DMD: variants seen among roughly 807,000 people sequenced by gnomAD.
The protein encoded by DMD is mutant dystrophin.
DMD carries 63 observed loss-of-function variants against 330.1 expected under a neutral mutation model. The observed-to-expected ratio is 0.19, with a 90% CI of 0.16 to 0.24. DMD has a LOEUF of 0.24. DMD is among the 10% of genes least tolerant of loss of function. The pLI, the probability that DMD is intolerant of heterozygous loss-of-function variation, is 1.00. For synonymous variants in DMD, 1,223 were observed against 959.8 expected, an observed-to-expected ratio of 1.27 and a Z score of -5.07; for missense variants, 3,344 against 2,684.1, an observed-to-expected ratio of 1.25 and a Z score of -5.43.
intron 33 of DMD, among the ~76,000 whole-genome samples, chrX:32,384,934 T>C (rs1430762285): frequency 1.8e-5 from 2 of 111,584 alleles, no homozygotes; most frequent in Admixed American, 9.6e-5. Flanking sequence ...AGATATCCCA[T>C]ATTCATGGAT....
rs59686294 is a variant in DMD at position 32,076,052 on chromosome X, C to CAA, written c.6439-107540_6439-107539dup. ...TGGGTGACAGAACGAGACTCTGTCT[C>CAA]AAAAAAAAAAAAAAAAAAAAAAAAA... On this transcript the variant is annotated intron_variant, in intron 44 of 78. Coordinates refer to ENST00000357033, the MANE Select transcript of DMD (RefSeq NM_004006.3). Among the ~76,000 whole-genome samples the CAA allele has an allele frequency of 7.4e-3, 138 of 18,775 alleles. 17 individuals carry two copies. Among genetic ancestry groups the CAA allele is most frequent in the South Asian group, 0.027 (3 of 111 alleles). The allele number at this position is 18,775 out of a possible 115,157, so 16.3% of individuals were successfully genotyped here. A position where few individuals can be genotyped will look rare whatever the true frequency, so the allele number is the denominator to read the frequency against.
chrX:33,275,010 C>G (rs975087879), intron 1 of DMD, among the ~76,000 whole-genome samples: 1 of 111,682 alleles, frequency 9.0e-6, no homozygotes, highest in Non-Finnish European at 1.9e-5. Context: ...GGTTTATGCT[C>G]TCCCGCACAA....
intron 21 of DMD, among the ~76,000 whole-genome samples, chrX:32,475,799 G>A (rs953332960): frequency 9.1e-6 from 1 of 110,312 alleles, no homozygotes; most frequent in Admixed American, 9.8e-5. Flanking sequence ...GGGTTTTGAA[G>A]GTAAATGATC....
intron 29 of DMD, among the ~76,000 whole-genome samples, chrX:32,425,488 T>G (rs747835144): frequency 9.0e-5 from 10 of 111,622 alleles, no homozygotes; most frequent in Non-Finnish European, 1.7e-4. Context: ...TGCTTAAATT[T>G]TTATTATCCT....
At chrX:32,076,253 G>A (rs1390909242) in intron 44 of DMD, among the ~76,000 whole-genome samples, 1 of 109,212 alleles carries the variant, frequency 9.2e-6, no homozygotes, top group Non-Finnish European at 1.9e-5. Flanking sequence ...CAAGGCAAAT[G>A]GAGGTAATGC....
At chrX:31,441,893 C>T (rs1015214989) in intron 60 of DMD, among the ~76,000 whole-genome samples, 1 of 112,165 alleles carries the variant, frequency 8.9e-6, no homozygotes, top group Non-Finnish European at 1.9e-5. Flanking sequence ...ATGGAACTAA[C>T]TTGACTCGGT....
chrX:32,999,631 C>G (rs1254969402), intron 2 of DMD, among the ~76,000 whole-genome samples: 1 of 110,357 alleles, frequency 9.1e-6, no homozygotes, highest in Non-Finnish European at 1.9e-5. Flanking sequence ...CAAAAATTAG[C>G]CGGGTGTGGT....
chrX:33,032,057 T>C (rs1428176208), intron 1 of DMD, among the ~76,000 whole-genome samples: 3 of 112,085 alleles, frequency 2.7e-5, no homozygotes, highest in African/African-American at 6.5e-5. Context: ...TTTCTTTTTC[T>C]TCCTCCTTTC....
At chrX:32,419,241 A>G (rs1284751099) in intron 29 of DMD, among the ~76,000 whole-genome samples, 1 of 111,663 alleles carries the variant, frequency 9.0e-6, no homozygotes, top group East Asian at 2.8e-4. Flanking sequence ...AAGCAGAGGG[A>G]GAAGAGGATA....
At chrX:32,673,753 C>T (rs1304981642) in intron 9 of DMD, among the ~76,000 whole-genome samples, 6 of 112,183 alleles carry the variant, frequency 5.3e-5, no homozygotes, top group African/African-American at 1.9e-4. Context: ...ATGCCCTCTA[C>T]CCCAACCCTG....
At chrX:32,450,523 A>C (rs959521057) in intron 26 of DMD, among the ~76,000 whole-genome samples, 14 of 110,824 alleles carry the variant, frequency 1.3e-4, no homozygotes, top group African/African-American at 4.2e-4. Context: ...TTCATCATTT[A>C]ATATGTGCTA....
chrX:33,041,557 G>T, intron 1 of DMD: 1 of 1,209,013 alleles, frequency 8.3e-7, no homozygotes, highest in Non-Finnish European at 1.1e-6. Flanking sequence ...AAAGCAGGCA[G>T]AGATCCTACA....
chrX:32,736,465 A>G (rs1472963252), intron 7 of DMD, among the ~76,000 whole-genome samples: 2 of 110,477 alleles, frequency 1.8e-5, no homozygotes, highest in East Asian at 5.7e-4. Context: ...ACACATGCAC[A>G]CGTATGTTTA....
chrX:31,451,279 CCTT>C (rs1569543457), intron 59 of DMD, among the ~76,000 whole-genome samples: 1,729 of 51,017 alleles, frequency 0.034, 53 homozygotes, highest in African/African-American at 0.12. Context: ...TCCTTTCTTT[CCTT>C]TTTTTTTTTT....
intron 1 of DMD, among the ~76,000 whole-genome samples, chrX:33,226,170 A>G (rs1387820829): frequency 9.0e-6 from 1 of 111,635 alleles, no homozygotes; most frequent in African/African-American, 3.2e-5. Context: ...GGTGCATTGT[A>G]AAAAACTAAA....
chrX:33,115,699 T>G (rs759737245), intron 1 of DMD, among the ~76,000 whole-genome samples: 3 of 107,832 alleles, frequency 2.8e-5, no homozygotes, highest in African/African-American at 1.0e-4. Context: ...TTTTAGTAGA[T>G]ACGGGGTTTG....
chrX:32,244,231 A>G (rs1316359467), intron 43 of DMD, among the ~76,000 whole-genome samples: 3 of 105,727 alleles, frequency 2.8e-5, no homozygotes, highest in Non-Finnish European at 3.9e-5. Context: ...TGTTCTTGCG[A>G]TAGTTTACTG....
chrX:32,346,800 A>AT (rs985512643), intron 38 of DMD, among the ~76,000 whole-genome samples: 6 of 111,529 alleles, frequency 5.4e-5, no homozygotes, highest in Non-Finnish European at 1.1e-4. Context: ...CAATATCTTA[A>AT]TTTTCTTTAC....
chrX:32,476,750 G>A (rs1348714754), intron 21 of DMD, among the ~76,000 whole-genome samples: 1 of 111,438 alleles, frequency 9.0e-6, no homozygotes, highest in Non-Finnish European at 1.9e-5. Flanking sequence ...ATGTACCCAA[G>A]GGCAAACACA....
Sources: gnomAD v4.1 joint callset for allele counts (sites outside exome capture counted in the v4.1 genomes callset) on GRCh38, gnomAD v4.1.1 for gene constraint, MANE v1.5 for transcripts, NCBI Gene and HGNC (gene_info 2026-07-23, HGNC 2026-07-21) for gene names.